CDH13: variants seen among roughly 807,000 people sequenced by gnomAD.
The protein encoded by CDH13 is cadherin-13.
In CDH13, 24 loss-of-function variants were observed where a neutral mutation model predicts 63.8. The observed-to-expected ratio is 0.38, with a 90% CI of 0.27 to 0.53. The LOEUF (loss-of-function observed/expected upper bound fraction) is 0.53, where lower values mean the gene tolerates loss of function less well. CDH13 is among the 20% of genes least tolerant of loss of function. CDH13 has a pLI of 0.85. For synonymous variants in CDH13, 503 were observed against 355.3 expected (o/e 1.42, Z -4.67); for missense variants, 1,049 against 903.1 (o/e 1.16, Z -2.07).
chr16:82,912,857 G>A (rs989807810), intron 2 of CDH13, among the ~76,000 whole-genome samples: 2 of 151,878 alleles, frequency 1.3e-5, no homozygotes, highest in African/African-American at 4.8e-5. Context: ...GCAGGAGAAT[G>A]GCGTGAACCC....
intron 2 of CDH13, among the ~76,000 whole-genome samples, chr16:82,942,788 A>G (rs1349665576): frequency 6.6e-6 from 1 of 152,230 alleles, no homozygotes; most frequent in Non-Finnish European, 1.5e-5. Context: ...TTGATGAGTT[A>G]CAATGCTGGG....
intron 2 of CDH13, among the ~76,000 whole-genome samples, chr16:82,868,859 G>A (rs1440060778): frequency 6.6e-6 from 1 of 152,184 alleles, no homozygotes; most frequent in Non-Finnish European, 1.5e-5. Context: ...TCAGCTGCCT[G>A]GGTTCAAATC....
intron 3 of CDH13, among the ~76,000 whole-genome samples, chr16:83,094,627 C>G (rs2034102989): frequency 6.6e-6 from 1 of 152,192 alleles, no homozygotes; most frequent in African/African-American, 2.4e-5. Context: ...CAGCCTCCAA[C>G]TTCCCAGTGG....
At chr16:83,014,177 A>G (rs1017944637) in intron 2 of CDH13, among the ~76,000 whole-genome samples, 10 of 152,146 alleles carry the variant, frequency 6.6e-5, no homozygotes, top group African/African-American at 2.4e-4. Context: ...CGATATTATA[A>G]AACAATCTCT....
At chr16:83,249,105 A>G (rs143418707) in intron 5 of CDH13, among the ~76,000 whole-genome samples, 1 of 152,062 alleles carries the variant, frequency 6.6e-6, no homozygotes, top group African/African-American at 2.4e-5. Context: ...AAATTCACCA[A>G]CTTTTCTCTG....
At chr16:83,142,505 G>A (rs896704791) in intron 4 of CDH13, among the ~76,000 whole-genome samples, 2 of 152,132 alleles carry the variant, frequency 1.3e-5, no homozygotes, top group Admixed American at 1.3e-4. Flanking sequence ...CCTTGGGTCT[G>A]AGGTTGAACG....
chr16:83,700,246 T>C (rs1473255065), intron 10 of CDH13, among the ~76,000 whole-genome samples: 1 of 152,208 alleles, frequency 6.6e-6, no homozygotes, highest in Non-Finnish European at 1.5e-5. Flanking sequence ...ATCCGTGTTG[T>C]CACCTGTGTC....
chr16:83,770,664 C>T (rs981352283), intron 11 of CDH13, among the ~76,000 whole-genome samples: 3 of 152,168 alleles, frequency 2.0e-5, no homozygotes, highest in Non-Finnish European at 4.4e-5. Flanking sequence ...ATTATTCATG[C>T]CTCCCCTTTT....
intron 10 of CDH13, among the ~76,000 whole-genome samples, chr16:83,682,159 A>G (rs1384465558): frequency 2.6e-5 from 4 of 152,240 alleles, no homozygotes; most frequent in Non-Finnish European, 4.4e-5. Context: ...ACTGCAACAG[A>G]AAAAGAATAT....
At chr16:83,422,222 G>GTA (rs2071736649) in intron 6 of CDH13, among the ~76,000 whole-genome samples, 1 of 152,166 alleles carries the variant, frequency 6.6e-6, no homozygotes, top group Admixed American at 6.5e-5. Flanking sequence ...AAGTTGTACT[G>GTA]TATAAAAATA....
chr16:83,590,549 G>T (rs1307770205), intron 7 of CDH13, among the ~76,000 whole-genome samples: 1 of 152,146 alleles, frequency 6.6e-6, no homozygotes, highest in Non-Finnish European at 1.5e-5. Context: ...TTGAAAGCAG[G>T]CGAGATGCTG....
At chr16:82,948,720 G>C (rs1904994030) in intron 2 of CDH13, among the ~76,000 whole-genome samples, 2 of 152,062 alleles carry the variant, frequency 1.3e-5, no homozygotes, top group South Asian at 2.1e-4. Flanking sequence ...TTTTCTCTCA[G>C]TTGCCTTCTT....
At chr16:82,865,870 T>G (rs1014659183) in intron 2 of CDH13, among the ~76,000 whole-genome samples, 7 of 152,374 alleles carry the variant, frequency 4.6e-5, no homozygotes, top group African/African-American at 1.4e-4. Flanking sequence ...TGTGCTTCCC[T>G]TTTAAATAAA....
At chr16:83,315,903 T>C in intron 5 of CDH13, among the ~76,000 whole-genome samples, 1 of 152,176 alleles carries the variant, frequency 6.6e-6, no homozygotes, top group East Asian at 1.9e-4. Context: ...GGAGTATATA[T>C]TGAAACACAT....
chr16:83,656,753 A>G (rs1201734341), intron 8 of CDH13, among the ~76,000 whole-genome samples: 1 of 152,238 alleles, frequency 6.6e-6, no homozygotes, highest in Non-Finnish European at 1.5e-5. Flanking sequence ...TTTTGGCAAT[A>G]TCACAGCCAA....
At chr16:82,921,242 G>A (rs932513039) in intron 2 of CDH13, among the ~76,000 whole-genome samples, 2 of 152,218 alleles carry the variant, frequency 1.3e-5, no homozygotes, top group South Asian at 2.1e-4. Flanking sequence ...ATCAGTGGGT[G>A]GAATTAAGTG....
chr16:83,382,473 A>T (rs761561548), intron 6 of CDH13, among the ~76,000 whole-genome samples: 2 of 151,868 alleles, frequency 1.3e-5, no homozygotes, highest in Admixed American at 1.3e-4. Context: ...CACTGCGTAC[A>T]CTCTATCTCC....
At chr16:82,795,072 C>G (rs1053160170) in intron 1 of CDH13, among the ~76,000 whole-genome samples, 1 of 152,194 alleles carries the variant, frequency 6.6e-6, no homozygotes. Context: ...ATGTTTGCTT[C>G]CCATACTCAT....
chr16:83,468,340 C>T (rs574270772), intron 6 of CDH13, among the ~76,000 whole-genome samples: 7 of 152,152 alleles, frequency 4.6e-5, no homozygotes, highest in Middle Eastern at 3.4e-3. Flanking sequence ...GGCCGCCAGC[C>T]AAAGAATGTA....
Sources: gnomAD v4.1 joint callset for allele counts (sites outside exome capture counted in the v4.1 genomes callset) on GRCh38, gnomAD v4.1.1 for gene constraint, MANE v1.5 for transcripts, NCBI Gene and HGNC (gene_info 2026-07-23, HGNC 2026-07-21) for gene names.